PGCKA1: variants seen among roughly 807,000 people sequenced by gnomAD.
The protein encoded by PGCKA1 is PDCD10 and GCKIII kinases-associated protein 1.
chr4:37,480,968 A>T, the PGCKA1 span, among the ~76,000 whole-genome samples: 1 of 152,230 alleles, frequency 6.6e-6, no homozygotes, highest in Non-Finnish European at 1.5e-5. Context: ...ACCGGGTCAT[A>T]TAAATCATGC....
the PGCKA1 span, among the ~76,000 whole-genome samples, chr4:37,522,524 T>C: frequency 6.6e-6 from 1 of 152,060 alleles, no homozygotes; most frequent in Non-Finnish European, 1.5e-5. Flanking sequence ...CATCTAACAG[T>C]CAATTCCTGG....
chr4:37,580,790 C>T, the PGCKA1 span, among the ~76,000 whole-genome samples: 1 of 152,210 alleles, frequency 6.6e-6, no homozygotes, highest in Non-Finnish European at 1.5e-5. Context: ...GGCCCTAAGG[C>T]TCTACAATCA....
At chr4:37,582,092 C>A in the PGCKA1 span, among the ~76,000 whole-genome samples, 6 of 152,144 alleles carry the variant, frequency 3.9e-5, no homozygotes, top group African/African-American at 1.4e-4. Context: ...TCTCCCTCCC[C>A]CAAACACACA....
chr4:37,520,910 C>A, the PGCKA1 span, among the ~76,000 whole-genome samples: 1 of 152,208 alleles, frequency 6.6e-6, no homozygotes, highest in Non-Finnish European at 1.5e-5. Context: ...AGCCACTGCG[C>A]CCAGCCCTTT....
chr4:37,482,515 A>G, the PGCKA1 span, among the ~76,000 whole-genome samples: 1 of 152,242 alleles, frequency 6.6e-6, no homozygotes, highest in African/African-American at 2.4e-5. Flanking sequence ...TAAGCAGGAA[A>G]GCATTCAAGA....
At chr4:37,500,220 A>G in the PGCKA1 span, among the ~76,000 whole-genome samples, 3 of 152,220 alleles carry the variant, frequency 2.0e-5, no homozygotes, top group African/African-American at 7.2e-5. Context: ...CACCGTGCCC[A>G]GCCAAGTCTT....
At chr4:37,587,541 A>G in the PGCKA1 span, among the ~76,000 whole-genome samples, 1 of 152,310 alleles carries the variant, frequency 6.6e-6, no homozygotes, top group Non-Finnish European at 1.5e-5. Flanking sequence ...AAATTCACCT[A>G]TGATTGAAAG....
chr4:37,518,948 T>C, the PGCKA1 span, among the ~76,000 whole-genome samples: 12 of 152,228 alleles, frequency 7.9e-5, no homozygotes, highest in East Asian at 1.2e-3. Context: ...TTTTTGTATA[T>C]GGCAAGAGAT....
At chr4:37,488,696 C>A in the PGCKA1 span, among the ~76,000 whole-genome samples, 2 of 152,304 alleles carry the variant, frequency 1.3e-5, no homozygotes, top group South Asian at 4.1e-4. Context: ...CCTATCTCCC[C>A]TCCCATGCTC....
chr4:37,535,301 T>G, the PGCKA1 span, among the ~76,000 whole-genome samples: 2 of 152,224 alleles, frequency 1.3e-5, no homozygotes, highest in Admixed American at 1.3e-4. Flanking sequence ...GCGGGAGGAT[T>G]GCTTTAAAGC....
the PGCKA1 span, among the ~76,000 whole-genome samples, chr4:37,561,165 A>C: frequency 2.0e-5 from 3 of 152,146 alleles, no homozygotes; most frequent in African/African-American, 4.8e-5. Context: ...TCTTTGATGG[A>C]AGACTGTCTC....
At chr4:37,585,013 T>G in the PGCKA1 span, among the ~76,000 whole-genome samples, 2 of 149,500 alleles carry the variant, frequency 1.3e-5, no homozygotes, top group African/African-American at 5.0e-5. Context: ...CTTGTTTTTT[T>G]TTTTTTTTTT....
At chr4:37,555,977 T>G in the PGCKA1 span, among the ~76,000 whole-genome samples, 1 of 152,190 alleles carries the variant, frequency 6.6e-6, no homozygotes, top group African/African-American at 2.4e-5. Context: ...CCCATCAGGC[T>G]GTTATTCTAT....
the PGCKA1 span, among the ~76,000 whole-genome samples, chr4:37,500,819 T>G: frequency 6.6e-6 from 1 of 152,266 alleles, no homozygotes; most frequent in Non-Finnish European, 1.5e-5. Flanking sequence ...TGTGTGTCCA[T>G]ATATTTAGGA....
the PGCKA1 span, among the ~76,000 whole-genome samples, chr4:37,544,867 T>G: frequency 1.3e-5 from 2 of 151,632 alleles, no homozygotes; most frequent in Admixed American, 6.6e-5. Flanking sequence ...TGTTTTTTTG[T>G]TTTTTTTGAG....
At chr4:37,475,988 CATTATTTAAAATAT>C in the PGCKA1 span, among the ~76,000 whole-genome samples, 3 of 149,700 alleles carry the variant, frequency 2.0e-5, no homozygotes, top group African/African-American at 7.3e-5. Context: ...TTTTACAATA[CATTATTTAAAATAT>C]ATTATTTAAA....
the PGCKA1 span, among the ~76,000 whole-genome samples, chr4:37,481,464 CAAAAAAAAAAAAAAAAAAAAAA>C: frequency 2.3e-4 from 14 of 61,434 alleles, 1 homozygote; most frequent in East Asian, 1.2e-3. Context: ...GACCTGTCTC[CAAAAAAAAAAAAAAAAAAAAAA>C]AAAAAAAAAA....
At chr4:37,455,723 C>T in the PGCKA1 span, among the ~76,000 whole-genome samples, 1 of 152,198 alleles carries the variant, frequency 6.6e-6, no homozygotes, top group East Asian at 1.9e-4. Context: ...CTTGACGTCC[C>T]ACCCAGACCC....
the PGCKA1 span, among the ~76,000 whole-genome samples, chr4:37,544,554 G>T: frequency 2.8e-5 from 4 of 141,828 alleles, no homozygotes; most frequent in African/African-American, 1.0e-4. Context: ...TATCTCTTTT[G>T]CTAATTTATG....
Sources: gnomAD v4.1 joint callset for allele counts (sites outside exome capture counted in the v4.1 genomes callset) on GRCh38, gnomAD v4.1.1 for gene constraint, MANE v1.5 for transcripts, NCBI Gene and HGNC (gene_info 2026-07-23, HGNC 2026-07-21) for gene names.